Variants in CNTNAP2 observed in about 807,000 individuals in gnomAD.
CNTNAP2 encodes the protein contactin associated protein 2, also known as contactin-associated protein-like 2.
In CNTNAP2, 98 loss-of-function variants were observed where a neutral mutation model predicts 155.2. The ratio of observed to expected loss-of-function variants is 0.63; its 90% CI spans 0.54 to 0.75. The LOEUF is 0.75. Among genes scored for constraint, CNTNAP2 ranks in the 30% least tolerant of loss-of-function variants. The probability of loss-of-function intolerance (pLI) is 0.00; values close to 1 mark genes in which losing one functional copy is unlikely to be tolerated. For synonymous variants in CNTNAP2, 651 were observed against 631.2 expected (o/e 1.03, Z -0.47); for missense variants, 1,727 against 1,688.1 (o/e 1.02, Z -0.40).
intron 2 of CNTNAP2, among the ~76,000 whole-genome samples, chr7:146,837,772 C>A (rs1177079346): frequency 5.3e-5 from 8 of 152,156 alleles, no homozygotes; most frequent in Non-Finnish European, 1.5e-5. Context: ...TGTGTCCAGA[C>A]TAGCCCTCAT....
chr7:147,230,925 A>G (rs1261577306), intron 8 of CNTNAP2, among the ~76,000 whole-genome samples: 1 of 152,224 alleles, frequency 6.6e-6, no homozygotes, highest in Non-Finnish European at 1.5e-5. Context: ...GAGACTGGGT[A>G]ATTTATAAAG....
intron 3 of CNTNAP2, among the ~76,000 whole-genome samples, chr7:146,905,961 C>A (rs537423276): frequency 6.6e-6 from 1 of 152,186 alleles, no homozygotes; most frequent in Non-Finnish European, 1.5e-5. Context: ...GTGCGCGAGC[C>A]GAAGCAGGGC....
At chr7:146,346,933 GT>G (rs1794827243) in intron 1 of CNTNAP2, among the ~76,000 whole-genome samples, 2 of 151,070 alleles carry the variant, frequency 1.3e-5, no homozygotes. Context: ...GTTTTTTATT[GT>G]TTTTTATTTT....
At chr7:147,735,718 C>CAT (rs1796831293) in intron 13 of CNTNAP2, among the ~76,000 whole-genome samples, 2 of 152,110 alleles carry the variant, frequency 1.3e-5, no homozygotes, top group Admixed American at 6.6e-5. Context: ...GTATTGGGTG[C>CAT]ATATATATTT....
intron 3 of CNTNAP2, among the ~76,000 whole-genome samples, chr7:146,873,821 A>C (rs1022569952): frequency 3.3e-5 from 5 of 152,144 alleles, no homozygotes; most frequent in African/African-American, 9.7e-5. Context: ...CTGTTAGTAC[A>C]TCATGTTTTT....
At chr7:148,140,480 A>G (rs1314784145) in intron 16 of CNTNAP2, among the ~76,000 whole-genome samples, 1 of 149,556 alleles carries the variant, frequency 6.7e-6, no homozygotes, top group African/African-American at 2.5e-5. Context: ...GGAGTGTGCA[A>G]TGGCACCATC....
At chr7:148,381,079 A>C (rs1279431370) in intron 21 of CNTNAP2, among the ~76,000 whole-genome samples, 1 of 152,262 alleles carries the variant, frequency 6.6e-6, no homozygotes, top group Non-Finnish European at 1.5e-5. Flanking sequence ...TGCAGGAGCC[A>C]GGGTGAGCGC....
chr7:146,638,634 G>A (rs1396924146), intron 1 of CNTNAP2, among the ~76,000 whole-genome samples: 1 of 151,128 alleles, frequency 6.6e-6, no homozygotes, highest in Non-Finnish European at 1.5e-5. Context: ...ACAGGCACCC[G>A]CCACCACACC....
intron 1 of CNTNAP2, among the ~76,000 whole-genome samples, chr7:146,438,189 C>T (rs993322013): frequency 6.6e-6 from 1 of 151,120 alleles, no homozygotes; most frequent in Non-Finnish European, 1.5e-5. Context: ...ATGTGCAATT[C>T]GTATCATATA....
intron 22 of CNTNAP2, among the ~76,000 whole-genome samples, chr7:148,401,028 C>G (rs1023365373): frequency 3.3e-5 from 5 of 151,636 alleles, no homozygotes; most frequent in African/African-American, 1.2e-4. Context: ...GGAACAATGA[C>G]AAGAAAAAAA....
At chr7:147,842,262 T>C (rs1798746812) in intron 13 of CNTNAP2, among the ~76,000 whole-genome samples, 1 of 152,218 alleles carries the variant, frequency 6.6e-6, no homozygotes, top group East Asian at 1.9e-4. Flanking sequence ...GAGCATTATC[T>C]CCAAACTTCG....
At chr7:147,300,768 C>CGGTA (rs1794933590) in intron 9 of CNTNAP2, among the ~76,000 whole-genome samples, 1 of 152,080 alleles carries the variant, frequency 6.6e-6, no homozygotes, top group African/African-American at 2.4e-5. Context: ...CGTCTGCTTC[C>CGGTA]GGTAGGTCTC....
chr7:146,920,545 T>C (rs577110899), intron 3 of CNTNAP2, among the ~76,000 whole-genome samples: 59 of 152,264 alleles, frequency 3.9e-4, no homozygotes, highest in Middle Eastern at 3.4e-3. Context: ...TTTGTCAATA[T>C]ATAATTAAAA....
At chr7:146,231,007 T>G (rs2116913040) in intron 1 of CNTNAP2, among the ~76,000 whole-genome samples, 1 of 145,624 alleles carries the variant, frequency 6.9e-6, no homozygotes, top group South Asian at 2.3e-4. Flanking sequence ...AGAGCGAGAC[T>G]TTGTCTCAAA....
At chr7:147,879,850 G>A (rs1366880465) in intron 13 of CNTNAP2, among the ~76,000 whole-genome samples, 1 of 152,148 alleles carries the variant, frequency 6.6e-6, no homozygotes, top group Non-Finnish European at 1.5e-5. Flanking sequence ...GGATGTGAGT[G>A]GAGCTGTTTG....
intron 1 of CNTNAP2, among the ~76,000 whole-genome samples, chr7:146,594,825 A>C (rs934424026): frequency 1.3e-5 from 2 of 152,156 alleles, no homozygotes; most frequent in Non-Finnish European, 2.9e-5. Context: ...CTCTCAAAAA[A>C]TATTAAAAAT....
chr7:147,802,875 G>C (rs911024598), intron 13 of CNTNAP2, among the ~76,000 whole-genome samples: 1 of 151,510 alleles, frequency 6.6e-6, no homozygotes, highest in Non-Finnish European at 1.5e-5. Context: ...GTAACGTGTA[G>C]GTTAATTTTC....
intron 1 of CNTNAP2, among the ~76,000 whole-genome samples, chr7:146,319,331 A>G (rs1329560161): frequency 2.6e-5 from 4 of 152,166 alleles, no homozygotes; most frequent in African/African-American, 9.6e-5. Context: ...TGTCATAATT[A>G]CACATTGATA....
intron 1 of CNTNAP2, among the ~76,000 whole-genome samples, chr7:146,519,225 A>T (rs973121049): frequency 6.6e-6 from 1 of 151,800 alleles, no homozygotes. Context: ...TCTATCGAGA[A>T]GTGTTTAGGG....
Sources: gnomAD v4.1 joint callset for allele counts (sites outside exome capture counted in the v4.1 genomes callset) on GRCh38, gnomAD v4.1.1 for gene constraint, MANE v1.5 for transcripts, NCBI Gene and HGNC (gene_info 2026-07-23, HGNC 2026-07-21) for gene names.